Variants in WDR47 observed in about 807,000 individuals in gnomAD.
The protein encoded by WDR47 is WD repeat domain 47.
A neutral mutation model predicts 97.2 loss-of-function variants in WDR47; 32 were observed. The observed-to-expected ratio is 0.33, with a 90% CI of 0.25 to 0.44. WDR47 has a LOEUF of 0.44. Ranked by LOEUF, WDR47 falls within the 20% of genes least tolerant of loss-of-function variation. WDR47 has a pLI of 1.00. For synonymous variants in WDR47, 375 were observed against 373.5 expected (o/e 1.00, Z -0.05); for missense variants, 782 against 1,102.3 (o/e 0.71, Z 4.11).
chr1:109,018,346 G>C (rs72699302), intron 2 of WDR47, among the ~76,000 whole-genome samples: 29,294 of 150,966 alleles, frequency 0.19, 2,931 homozygotes, highest in African/African-American at 0.23. Context: ...CTACTGGCAG[G>C]AGAAGCTTGA....
intron 1 of WDR47, among the ~76,000 whole-genome samples, chr1:109,032,236 G>A (rs1238893277): frequency 7.2e-6 from 1 of 139,494 alleles, no homozygotes; most frequent in African/African-American, 2.6e-5. Context: ...TTCTGGCCAG[G>A]CGCAGTGGCT....
chr1:109,036,614 A>C (rs920502125), intron 1 of WDR47, among the ~76,000 whole-genome samples: 2 of 151,486 alleles, frequency 1.3e-5, no homozygotes, highest in Non-Finnish European at 2.9e-5. Flanking sequence ...AGGCAAGCGG[A>C]TCACGGGGTC....
At chr1:108,979,249 C>T (rs1047488674) in intron 13 of WDR47, among the ~76,000 whole-genome samples, 24 of 152,166 alleles carry the variant, frequency 1.6e-4, no homozygotes, top group Non-Finnish European at 2.9e-5. Flanking sequence ...CAAACAAACA[C>T]AATTATTAAC....
intron 3 of WDR47, among the ~76,000 whole-genome samples, chr1:109,014,886 A>G (rs1661307415): frequency 6.6e-6 from 1 of 152,228 alleles, no homozygotes; most frequent in Non-Finnish European, 1.5e-5. Flanking sequence ...ATGAACCTTC[A>G]GTCATTCTTT....
intron 4 of WDR47, among the ~76,000 whole-genome samples, chr1:109,013,100 G>A (rs1206751025): frequency 6.6e-6 from 1 of 152,084 alleles, no homozygotes; most frequent in Non-Finnish European, 1.5e-5. Flanking sequence ...AGACCCCAGA[G>A]AGCTAGCTAG....
At chr1:108,973,623 T>C (rs542754314) in intron 14 of WDR47, among the ~76,000 whole-genome samples, 30 of 152,194 alleles carry the variant, frequency 2.0e-4, no homozygotes, top group Non-Finnish European at 3.8e-4. Flanking sequence ...TAAATAAATG[T>C]TGATTTTAAA....
intron 14 of WDR47, among the ~76,000 whole-genome samples, chr1:108,971,910 C>T (rs554845348): frequency 6.6e-6 from 1 of 152,246 alleles, no homozygotes; most frequent in South Asian, 2.1e-4. Flanking sequence ...GGAGTCAACC[C>T]TCAGATTTCT....
chr1:109,021,325 TGA>T (rs1661821115), intron 2 of WDR47, among the ~76,000 whole-genome samples: 1 of 151,910 alleles, frequency 6.6e-6, no homozygotes, highest in Non-Finnish European at 1.5e-5. Flanking sequence ...GTCAGGAGTT[TGA>T]GACCAGCCTT....
chr1:109,018,984 G>A (rs185435028), intron 2 of WDR47, among the ~76,000 whole-genome samples: 4 of 151,928 alleles, frequency 2.6e-5, no homozygotes, highest in South Asian at 2.1e-4. Context: ...TGGGATAATC[G>A]CTTGAGTCAA....
At chr1:108,986,720 T>A (rs779062773) in intron 9 of WDR47, 40 bp from the exon 10 acceptor site, 2 of 1,469,866 alleles carry the variant, frequency 1.4e-6, no homozygotes, top group South Asian at 1.3e-5. Flanking sequence ...ATTAAAAAAA[T>A]GAATTTGAAA....
At chr1:108,996,427 C>T (rs1235245144) in intron 7 of WDR47, among the ~76,000 whole-genome samples, 10 of 152,136 alleles carry the variant, frequency 6.6e-5, no homozygotes, top group Non-Finnish European at 8.8e-5. Context: ...CCCAATATAA[C>T]TTTGGTTTAA....
intron 3 of WDR47, among the ~76,000 whole-genome samples, chr1:109,016,804 A>G (rs1480726410): frequency 1.3e-5 from 2 of 149,954 alleles, no homozygotes; most frequent in African/African-American, 5.1e-5. Flanking sequence ...AAAAAAACAA[A>G]AAGTGACTCC....
chr1:108,984,159 G>T (rs915965074), intron 10 of WDR47, among the ~76,000 whole-genome samples: 4 of 152,196 alleles, frequency 2.6e-5, no homozygotes, highest in African/African-American at 9.7e-5. Flanking sequence ...TGTGGTGGGT[G>T]AGGCACTGCA....
chr1:108,997,116 CAA>C (rs66580765), intron 7 of WDR47, among the ~76,000 whole-genome samples: 11 of 134,822 alleles, frequency 8.2e-5, no homozygotes, highest in Admixed American at 1.5e-4. Flanking sequence ...TCTCCATCTC[CAA>C]AAAAAAAAAA....
rs546150358 is a variant in WDR47, at chr1:108,995,672, A to G, written c.1599T>C (p.His533=). 19 of 1,614,134 alleles carry G rather than the reference A, an allele frequency of 1.2e-5. No individual in the cohort carries two copies. In the African/African-American group the frequency reaches 2.4e-4, roughly 20 times the overall value. The part of the protein sequence containing the change: ...PPQDSSQRLT[H]DASNIHTSTP... ...TGCTTGTATGAATATTTGAAGCATCATGTGTTAATCTCTGACTAGAGTCTT... is the reference window on the plus strand; with the variant it reads ...TGCTTGTATGAATATTTGAAGCATCGTGTGTTAATCTCTGACTAGAGTCTT... The change falls in exon 8 of 15, where the codon CAT becomes CAC. Residue 533 remains histidine (H), a synonymous_variant. Coordinates refer to ENST00000369962, the MANE Select transcript of WDR47 (RefSeq NM_001142551.2).
intron 13 of WDR47, among the ~76,000 whole-genome samples, chr1:108,979,850 A>C (rs988407735): frequency 1.2e-4 from 19 of 152,072 alleles, no homozygotes; most frequent in African/African-American, 4.6e-4. Context: ...TGATTTCTTA[A>C]ACCAGGGGTC....
intron 7 of WDR47, among the ~76,000 whole-genome samples, chr1:109,001,339 A>G (rs752491122): frequency 6.6e-6 from 1 of 152,092 alleles, no homozygotes; most frequent in South Asian, 2.1e-4. Context: ...AATAAAAAAT[A>G]AACACACACG....
intron 13 of WDR47, among the ~76,000 whole-genome samples, chr1:108,978,968 A>C (rs1658134701): frequency 6.6e-6 from 1 of 152,216 alleles, no homozygotes. Context: ...AAAAGGAAGC[A>C]AAAATTGAGG....
intron 5 of WDR47, among the ~76,000 whole-genome samples, chr1:109,008,860 G>A (rs369047456): frequency 6.6e-6 from 1 of 152,096 alleles, no homozygotes; most frequent in African/African-American, 2.4e-5. Flanking sequence ...CACCCACCTC[G>A]GCCTCCCAAA....
Sources: gnomAD v4.1 joint callset for allele counts (sites outside exome capture counted in the v4.1 genomes callset) on GRCh38, gnomAD v4.1.1 for gene constraint, MANE v1.5 for transcripts, NCBI Gene and HGNC (gene_info 2026-07-23, HGNC 2026-07-21) for gene names.